The following PTPRR variants were observed in gnomAD, a reference collection of about 807,000 sequenced individuals.
PTPRR encodes protein tyrosine phosphatase receptor type R, also known as receptor-type tyrosine-protein phosphatase R.
A neutral mutation model predicts 77.2 loss-of-function variants in PTPRR; 38 were observed. That is an observed-to-expected ratio of 0.49 (90% CI 0.38 to 0.65). PTPRR has a LOEUF of 0.65. PTPRR is among the 30% of genes least tolerant of loss of function. The pLI is 0.00. For missense variants in PTPRR, 744 were observed against 799.2 expected (o/e 0.93, Z 0.83); for synonymous variants, 299 against 283.1 (o/e 1.06, Z -0.57).
At chr12:70,731,090 G>GGAGGAAGGAGAGA (rs1293558952) in intron 6 of PTPRR, among the ~76,000 whole-genome samples, 1,843 of 142,482 alleles carry the variant, frequency 0.013, 20 homozygotes, top group Non-Finnish European at 0.022. Context: ...GAGGAAGGAA[G>GGAGGAAGGAGAGA]GAGGAAGGAG....
At chr12:70,696,603 T>C (rs1888241495) in intron 8 of PTPRR, among the ~76,000 whole-genome samples, 1 of 152,150 alleles carries the variant, frequency 6.6e-6, no homozygotes, top group Admixed American at 6.6e-5. Context: ...TTTTTGGTAA[T>C]AGTTTTATTG....
chr12:70,805,017 G>C lies in PTPRR; in HGVS notation c.358-40239C>G, dbSNP rs142668530. 1.6e-3 allele frequency among the ~76,000 whole-genome samples: 248 copies of C among 152,228 alleles called. 1 individual carries two copies. Among genetic ancestry groups the C allele is most frequent in the South Asian group, 0.016 (75 of 4,824 alleles). ...CATGCTTATTTTGTCACACACGAAC[G>C]AGATAGTATATATCCTTTATATCAT... On this transcript the variant is annotated intron_variant, in intron 2 of 13. Coordinates refer to ENST00000283228, the MANE Select transcript of PTPRR (RefSeq NM_002849.4).
chr12:70,659,839 G>A (rs533804655), intron 12 of PTPRR, among the ~76,000 whole-genome samples: 18 of 151,774 alleles, frequency 1.2e-4, no homozygotes, highest in Non-Finnish European at 2.5e-4. Flanking sequence ...AGACCTATGC[G>A]GTTAAACAAA....
intron 6 of PTPRR, among the ~76,000 whole-genome samples, chr12:70,742,313 C>T (rs376437830): frequency 7.7e-4 from 118 of 152,280 alleles, no homozygotes; most frequent in African/African-American, 2.6e-3. Flanking sequence ...GGTTGAGTTA[C>T]AGAAAAATAA....
intron 2 of PTPRR, among the ~76,000 whole-genome samples, chr12:70,841,342 A>G (rs1292838315): frequency 6.6e-6 from 1 of 152,084 alleles, no homozygotes; most frequent in Non-Finnish European, 1.5e-5. Flanking sequence ...GGGCACTCCA[A>G]TTTCCCAAAG....
chr12:70,679,982 C>A (rs1887596071), intron 10 of PTPRR, among the ~76,000 whole-genome samples: 1 of 152,036 alleles, frequency 6.6e-6, no homozygotes, highest in Admixed American at 6.6e-5. Flanking sequence ...TTTATTGTTT[C>A]CCTTTGTGAC....
chr12:70,780,942 A>G (rs1891190709), intron 2 of PTPRR, among the ~76,000 whole-genome samples: 1 of 152,220 alleles, frequency 6.6e-6, no homozygotes, highest in Non-Finnish European at 1.5e-5. Context: ...GCAAGTGGTA[A>G]AGTAAGCCCA....
In PTPRR at chr12:70,662,503, C is replaced by T. The variant is rs116011604; in HGVS notation, c.1600G>A (p.Val534Ile). Reference sequence around the variant, plus strand: ...TAGCTACATAATCTTACCTTTAAGACAAGGTTTCGAATGGTGTAGTTATCA... The same window carrying T: ...TAGCTACATAATCTTACCTTTAAGATAAGGTTTCGAATGGTGTAGTTATCA... ...ECDNYTIRNL[V>I]LKQGSHTQHV... Residue 534 changes from valine to isoleucine, a missense_variant, in exon 11 of 14, where the codon GTC becomes ATC. Around this residue, in one of 3 missense-constraint regions of PTPRR, gnomAD observed 170 missense variants for 209.8 expected, o/e 0.81. Transcript: ENST00000283228. The T allele has an allele frequency of 9.8e-5, 156 of 1,587,336 alleles. 1 individual carries two copies. The African/African-American group carries it at 1.8e-3, about 18-fold the overall frequency.
intron 6 of PTPRR, among the ~76,000 whole-genome samples, chr12:70,741,531 G>A (rs1346482591): frequency 6.6e-6 from 1 of 152,134 alleles, no homozygotes; most frequent in Admixed American, 6.6e-5. Flanking sequence ...GGCTGCCAGG[G>A]TTTTTTGGTG....
chr12:70,849,155 T>C (rs896017375), intron 2 of PTPRR, among the ~76,000 whole-genome samples: 6 of 152,182 alleles, frequency 3.9e-5, no homozygotes, highest in African/African-American at 1.4e-4. Context: ...TGGATGACTA[T>C]TATTTGGAAA....
At chr12:70,766,440 T>G (rs375107679) in intron 2 of PTPRR, among the ~76,000 whole-genome samples, 7,751 of 151,916 alleles carry the variant, frequency 0.051, 219 homozygotes, top group Middle Eastern at 0.083. Flanking sequence ...TGAATGAAAT[T>G]AAGCGAGAAG....
In PTPRR at chr12:70,781,991, A is replaced by T. The variant is rs1891212426; in HGVS notation, c.358-17213T>A. ...TCATGAGTTTTTCATATCCTTGCTCAGTTGTTGTTATGATCAATTGATAAG... is the reference window on the plus strand; with the variant it reads ...TCATGAGTTTTTCATATCCTTGCTCTGTTGTTGTTATGATCAATTGATAAG... On this transcript the variant is annotated intron_variant, in intron 2 of 13. Coordinates refer to ENST00000283228, the MANE Select transcript of PTPRR (RefSeq NM_002849.4). Among the ~76,000 whole-genome samples the T allele has an allele frequency of 2.0e-5, 3 of 152,176 alleles. No homozygotes were observed. The South Asian group carries it at 6.2e-4, about 32-fold the overall frequency.
At chr12:70,814,201 T>C (rs1333669042) in intron 2 of PTPRR, among the ~76,000 whole-genome samples, 1 of 152,242 alleles carries the variant, frequency 6.6e-6, no homozygotes, top group Non-Finnish European at 1.5e-5. Context: ...TCCCTCTTCC[T>C]CATTTGACCT....
intron 2 of PTPRR, among the ~76,000 whole-genome samples, chr12:70,839,529 T>C (rs1340972015): frequency 6.6e-6 from 1 of 152,210 alleles, no homozygotes; most frequent in Non-Finnish European, 1.5e-5. Flanking sequence ...TCCAGTGTAA[T>C]TGTGTCAGCA....
intron 1 of PTPRR, among the ~76,000 whole-genome samples, chr12:70,904,649 G>C (rs1171399095): frequency 6.6e-6 from 1 of 151,736 alleles, no homozygotes; most frequent in African/African-American, 2.4e-5. Flanking sequence ...AAAATTCATA[G>C]AACTATACAC....
intron 10 of PTPRR, among the ~76,000 whole-genome samples, chr12:70,662,810 G>GT (rs1208839886): frequency 1.3e-5 from 2 of 150,964 alleles, no homozygotes; most frequent in Non-Finnish European, 2.9e-5. Context: ...TATCTCAACA[G>GT]TTTTTTTTAA....
intron 2 of PTPRR, among the ~76,000 whole-genome samples, chr12:70,874,008 A>G (rs1893006010): frequency 6.6e-6 from 1 of 152,200 alleles, no homozygotes; most frequent in African/African-American, 2.4e-5. Context: ...TTCTGAGGCT[A>G]CTAATACCCT....
chr12:70,840,348 T>G (rs1469898986), intron 2 of PTPRR, among the ~76,000 whole-genome samples: 1 of 152,158 alleles, frequency 6.6e-6, no homozygotes. Context: ...TTTCTCCCAC[T>G]TTTAAGGTCC....
chr12:70,875,458 TGGA>T lies in PTPRR; in HGVS notation c.357+17218_357+17220del, dbSNP rs539596282. Among the ~76,000 whole-genome samples the T allele has an allele frequency of 1.9e-3, 292 of 151,892 alleles. 2 individuals are homozygous for T. Among genetic ancestry groups the T allele is most frequent in the African/African-American group, 6.6e-3 (273 of 41,414 alleles). ...GAAGACAATGAAGTGGGTAAAAGAA[TGGA>T]GAAGAGGGGAAGGAAGCCAATAAAA... On this transcript the variant is annotated intron_variant, in intron 2 of 13. Transcript: ENST00000283228.
Sources: allele counts gnomAD v4.1 joint callset (sites outside exome capture counted in the v4.1 genomes callset), GRCh38; gene constraint gnomAD v4.1.1; regional missense constraint gnomAD v4.1.1; transcripts MANE v1.5; gene names NCBI Gene and HGNC (gene_info 2026-07-23, HGNC 2026-07-21).